Variants in BRIP1 observed in about 807,000 individuals in gnomAD.
The protein encoded by BRIP1 is Fanconi anemia group J protein.
BRIP1 carries 88 observed loss-of-function variants against 119.7 expected under a neutral mutation model. The ratio of observed to expected loss-of-function variants is 0.74; its 90% CI spans 0.62 to 0.88. BRIP1 has a LOEUF of 0.88. BRIP1 is among the 40% of genes least tolerant of loss of function. The probability of loss-of-function intolerance (pLI) is 0.00; values close to 1 mark genes in which losing one functional copy is unlikely to be tolerated. For missense variants in BRIP1, 1,259 were observed against 1,455.4 expected (o/e 0.87, Z 2.20); for synonymous variants, 443 against 496.5 (o/e 0.89, Z 1.43).
chr17:61,730,168 T>G lies in BRIP1; in HGVS notation c.2379+12845A>C, dbSNP rs2076825842. Among the ~76,000 whole-genome samples, 1 of 152,046 alleles carries G rather than the reference T, an allele frequency of 6.6e-6. No individual in the cohort carries two copies. The highest frequency in any genetic ancestry group is 2.4e-5 in the African/African-American group (1 of 41,382). On this transcript the variant is annotated intron_variant, in intron 16 of 19. Coordinates refer to ENST00000259008, the MANE Select transcript of BRIP1 (RefSeq NM_032043.3). This position sits in a 1 kb window ranked among gnomAD's most constrained non-coding sequence, Gnocchi z 4.3. Reference sequence around the variant, plus strand: ...CATTCCCAAGCTTTCAAGCCTTTAATCCTAGGGAAAAACAGGAAAGAGTGA... The same window carrying G: ...CATTCCCAAGCTTTCAAGCCTTTAAGCCTAGGGAAAAACAGGAAAGAGTGA...
intron 6 of BRIP1, among the ~76,000 whole-genome samples, chr17:61,833,670 CAA>C (rs34789764): frequency 0.042 from 5,071 of 121,122 alleles, 299 homozygotes; most frequent in African/African-American, 0.14. Context: ...GACTCCACCT[CAA>C]AAAAAAAAAA....
Position 61,805,755 on chromosome 17 carries a change from A to C in BRIP1, c.918+2712T>G, listed in dbSNP as rs191505744. Among the ~76,000 whole-genome samples the C allele has an allele frequency of 2.2e-4, 34 of 152,330 alleles. No homozygotes were observed. Among genetic ancestry groups the C allele is most frequent in the Admixed American group, 4.6e-4 (7 of 15,296 alleles). ...CATACTCTCAGTTTGATACAGACTG[A>C]GTTTAATAATAGGACATTCACCATT... is the stretch of plus-strand genomic sequence containing the variant. On this transcript the variant is annotated intron_variant, in intron 7 of 19. Transcript: ENST00000259008. The surrounding 1 kb of genome is among the most constrained non-coding windows in gnomAD (Gnocchi z 5.6).
At chr17:61,811,199 G>A (rs2078155603) in intron 6 of BRIP1, among the ~76,000 whole-genome samples, 1 of 151,990 alleles carries the variant, frequency 6.6e-6, no homozygotes, top group South Asian at 2.1e-4. Context: ...TCCTCAAGAA[G>A]ATGGTTTTCT....
In BRIP1 at chr17:61,706,390, T is replaced by C. The variant is rs963662782; in HGVS notation, c.2492+9561A>G. On this transcript the variant is annotated intron_variant, in intron 17 of 19. Transcript: ENST00000259008. The surrounding 1 kb of genome is among the most constrained non-coding windows in gnomAD (Gnocchi z 5.7). Reference sequence around the variant, plus strand: ...TTCTAGGACTGAAACGCCCAAACTATTTTTTAAAGTTAATTTTAGCTTTGT... The same window carrying C: ...TTCTAGGACTGAAACGCCCAAACTACTTTTTAAAGTTAATTTTAGCTTTGT... Among the ~76,000 whole-genome samples the C allele has an allele frequency of 3.3e-5, 5 of 152,156 alleles. No homozygotes were observed. The highest frequency in any genetic ancestry group is 9.6e-5 in the African/African-American group (4 of 41,452).
intron 17 of BRIP1, among the ~76,000 whole-genome samples, chr17:61,715,478 T>C (rs1463242604): frequency 6.6e-6 from 1 of 152,190 alleles, no homozygotes; most frequent in Non-Finnish European, 1.5e-5. Flanking sequence ...TATTTGATGA[T>C]ATTTTAACAG....
rs2076746175 is a variant in BRIP1 at position 61,724,998 on chromosome 17, T to C, written c.2380-8935A>G. Among the ~76,000 whole-genome samples the C allele has an allele frequency of 6.6e-6, 1 of 152,158 alleles. No homozygotes were observed. The highest frequency in any genetic ancestry group is 2.1e-4 in the South Asian group (1 of 4,832). Reference sequence around the variant, plus strand: ...CAGGGTATCACAATATAAATTCCAATGGTTAGAATTATAAACTCAGCATAA... The same window carrying C: ...CAGGGTATCACAATATAAATTCCAACGGTTAGAATTATAAACTCAGCATAA... On this transcript the variant is annotated intron_variant, in intron 16 of 19. Coordinates refer to ENST00000259008, the MANE Select transcript of BRIP1 (RefSeq NM_032043.3). This position sits in a 1 kb window ranked among gnomAD's most constrained non-coding sequence, Gnocchi z 5.1.
chr17:61,739,842 G>C lies in BRIP1; in HGVS notation c.2379+3171C>G, dbSNP rs2076964042. Among the ~76,000 whole-genome samples the C allele has an allele frequency of 6.6e-6, 1 of 152,094 alleles. No individual in the cohort carries two copies. Among genetic ancestry groups the C allele is most frequent in the South Asian group, 2.1e-4 (1 of 4,830 alleles). ...GAAGTAAAAGAAAATCCTCCTTGAT[G>C]AACAATAAGTTCAACTTAGGCTCAA... On this transcript the variant is annotated intron_variant, in intron 16 of 19. Transcript: ENST00000259008. This position sits in a 1 kb window ranked among gnomAD's most constrained non-coding sequence, Gnocchi z 6.0.
rs1002778551 is a variant in BRIP1 at position 61,771,868 on chromosome 17, A to C, written c.2097+4533T>G. 6.6e-5 allele frequency among the ~76,000 whole-genome samples: 10 copies of C among 152,156 alleles called. No individual in the cohort carries two copies. In the East Asian group the frequency reaches 1.7e-3, roughly 27 times the overall value. On this transcript the variant is annotated intron_variant, in intron 14 of 19. Transcript: ENST00000259008. ...TCCCAGCTACTCGGGAGGCTAAGGC[A>C]GGAGAATCACTGGAACCTGGAAAGC...
Position 61,762,458 on chromosome 17 carries a change from A to G in BRIP1, c.2097+13943T>C, listed in dbSNP as rs1603311513. Among the ~76,000 whole-genome samples the G allele has an allele frequency of 6.6e-6, 1 of 152,256 alleles. No homozygotes were observed. The highest frequency in any genetic ancestry group is 1.9e-4 in the East Asian group (1 of 5,186). On this transcript the variant is annotated intron_variant, in intron 14 of 19. Coordinates refer to ENST00000259008, the MANE Select transcript of BRIP1 (RefSeq NM_032043.3). This position sits in a 1 kb window ranked among gnomAD's most constrained non-coding sequence, Gnocchi z 4.3. ...GGCAACCTACAGATTGGGAGAAAAT[A>G]TTTACAAGCTATATATCCAATAAGG...
At chr17:61,833,088 T>C (rs1442299990) in intron 6 of BRIP1, among the ~76,000 whole-genome samples, 1 of 152,236 alleles carries the variant, frequency 6.6e-6, no homozygotes, top group East Asian at 1.9e-4. Flanking sequence ...TTTTCAAAGG[T>C]AAAGTTATCT....
chr17:61,861,542 T>G lies in BRIP1; in HGVS notation c.-3A>C. 1 of 1,600,154 alleles carries G rather than the reference T, an allele frequency of 6.2e-7. No individual in the cohort carries two copies. Among genetic ancestry groups the G allele is most frequent in the South Asian group, 1.1e-5 (1 of 90,758 alleles). ...TATTCAGACCACATTGAAGACATAG[T>G]GCTTTCCTGTTTATTTCAGATTCCT... On this transcript the variant is annotated 5_prime_UTR_variant, in exon 2 of 20. Transcript: ENST00000259008. The surrounding 1 kb of genome is among the most constrained non-coding windows in gnomAD (Gnocchi z 4.5).
chr17:61,820,557 C>A (rs2078305149), intron 6 of BRIP1, among the ~76,000 whole-genome samples: 1 of 152,148 alleles, frequency 6.6e-6, no homozygotes, highest in Non-Finnish European at 1.5e-5. Context: ...ACAGTCCCTG[C>A]CACTTAAAGA....
At chr17:61,723,486 C>A (rs1372613189) in intron 16 of BRIP1, among the ~76,000 whole-genome samples, 1 of 152,164 alleles carries the variant, frequency 6.6e-6, no homozygotes, top group African/African-American at 2.4e-5. Flanking sequence ...ATTCACATTA[C>A]CTTATAATCT....
rs1254477241 is a variant in BRIP1, at chr17:61,679,163, G to C, written c.*4133C>G. Among the ~76,000 whole-genome samples, 1 of 152,088 alleles carries C rather than the reference G, an allele frequency of 6.6e-6. No individual in the cohort carries two copies. Among genetic ancestry groups the C allele is most frequent in the Non-Finnish European group, 1.5e-5 (1 of 68,006 alleles). ...ATATTTTAAATGCGTTTTAATATAGGAAAGTAATACAAAAAAGTCCAGTTG... is the reference window on the plus strand; with the variant it reads ...ATATTTTAAATGCGTTTTAATATAGCAAAGTAATACAAAAAAGTCCAGTTG... On this transcript the variant is annotated 3_prime_UTR_variant, in exon 20 of 20. Coordinates refer to ENST00000259008, the MANE Select transcript of BRIP1 (RefSeq NM_032043.3). The surrounding 1 kb of genome is among the most constrained non-coding windows in gnomAD (Gnocchi z 4.4).
rs1164419841 is a variant in BRIP1, at chr17:61,726,833, A to G, written c.2380-10770T>C. On this transcript the variant is annotated intron_variant, in intron 16 of 19. Transcript: ENST00000259008. The surrounding 1 kb of genome is among the most constrained non-coding windows in gnomAD (Gnocchi z 6.2). ...AAAGCATAACTATATAAAATATGCT[A>G]GTGGTGTAATCTATGAGAATGAGTG... Among the ~76,000 whole-genome samples, 1 of 152,218 alleles carries G rather than the reference A, an allele frequency of 6.6e-6. No individual in the cohort carries two copies. The highest frequency in any genetic ancestry group is 1.5e-5 in the Non-Finnish European group (1 of 68,042).
chr17:61,818,139 G>C (rs2078264893), intron 6 of BRIP1, among the ~76,000 whole-genome samples: 1 of 145,650 alleles, frequency 6.9e-6, no homozygotes, highest in Non-Finnish European at 1.5e-5. Flanking sequence ...TATCACTTGT[G>C]CTTGGGAGTT....
rs1407503410 is a variant in BRIP1, at chr17:61,695,495, T to G, written c.2493-1983A>C. Among the ~76,000 whole-genome samples, 1 of 152,174 alleles carries G rather than the reference T, an allele frequency of 6.6e-6. No individual in the cohort carries two copies. Among genetic ancestry groups the G allele is most frequent in the Admixed American group, 6.5e-5 (1 of 15,286 alleles). On this transcript the variant is annotated intron_variant, in intron 17 of 19. Transcript: ENST00000259008. This position sits in a 1 kb window ranked among gnomAD's most constrained non-coding sequence, Gnocchi z 4.3. ...GTTCCTTGCTTTTCCATAATAATTT[T>G]AGAATCAGCTTCTCAATTCCTGCCA...
At chr17:61,847,421 G>A (rs941449148) in intron 5 of BRIP1, among the ~76,000 whole-genome samples, 1 of 152,144 alleles carries the variant, frequency 6.6e-6, no homozygotes, top group African/African-American at 2.4e-5. Context: ...ACATAGTAGT[G>A]ACTCATGAAT....
At chr17:61,723,916 A>G (rs1300933136) in intron 16 of BRIP1, among the ~76,000 whole-genome samples, 1 of 152,212 alleles carries the variant, frequency 6.6e-6, no homozygotes, top group East Asian at 1.9e-4. Context: ...ACCATCTAAA[A>G]CTTTGGCTAT....
Sources: allele counts gnomAD v4.1 joint callset (sites outside exome capture counted in the v4.1 genomes callset), GRCh38; gene constraint gnomAD v4.1.1; non-coding constraint Gnocchi (gnomAD v3.1); transcripts MANE v1.5; gene names NCBI Gene and HGNC (gene_info 2026-07-23, HGNC 2026-07-21).